The following CREBRF variants were observed in gnomAD, a reference collection of about 807,000 sequenced individuals.
CREBRF encodes UPF0474 protein C5orf41.
Under a neutral mutation model 66.1 loss-of-function variants are expected in CREBRF, and 5 were observed. That is an observed-to-expected ratio of 0.08 (90% CI 0.04 to 0.16). The LOEUF (loss-of-function observed/expected upper bound fraction) is 0.16. CREBRF is among the 10% of genes least tolerant of loss of function. The pLI, the probability that CREBRF is intolerant of heterozygous loss-of-function variation, is 1.00. For synonymous variants in CREBRF, 229 were observed against 264.4 expected (o/e 0.87, Z 1.30); for missense variants, 531 against 744.9 (o/e 0.71, Z 3.34).
chr5:173,084,599 G>A (rs431604), intron 2 of CREBRF, among the ~76,000 whole-genome samples: 105,738 of 152,104 alleles, frequency 0.7, 37,771 homozygotes, highest in African/African-American at 0.83. Flanking sequence ...GTAGGTACGC[G>A]GCATTTGTCA....
At chr5:173,122,708 A>G in intron 7 of CREBRF, among the ~76,000 whole-genome samples, 2 of 142,630 alleles carry the variant, frequency 1.4e-5, no homozygotes, top group Admixed American at 7.0e-5. Context: ...TTAACTCGTC[A>G]TTTAGCATTA....
intron 1 of CREBRF, among the ~76,000 whole-genome samples, chr5:173,069,773 TCTGTA>T (rs1256097483): frequency 6.6e-6 from 1 of 152,122 alleles, no homozygotes; most frequent in Non-Finnish European, 1.5e-5. Context: ...TCAAATAACC[TCTGTA>T]CTGGCTATTA....
At chr5:173,091,801 A>AG (rs1250164729) in intron 4 of CREBRF, 4 of 990,310 alleles carry the variant, frequency 4.0e-6, no homozygotes, top group Non-Finnish European at 4.8e-6. Flanking sequence ...ATTCCTGTTT[A>AG]GGGCCAGGCG....
intron 4 of CREBRF, among the ~76,000 whole-genome samples, chr5:173,104,292 G>C (rs183550793): frequency 1.3e-5 from 2 of 152,264 alleles, no homozygotes; most frequent in African/African-American, 4.8e-5. Flanking sequence ...TCAGAATCTA[G>C]TTTGAGAAAT....
In CREBRF at chr5:173,056,499, G is replaced by A. The variant is rs1757044048; in HGVS notation, c.-192+20G>A. ...CCACAGGTGAGCGCCGCCACCCGCT[G>A]CTCGGAACCCCCAGGGGCCTGGGCT... is the stretch of plus-strand genomic sequence containing the variant. On this transcript the variant is annotated intron_variant, in intron 1 of 8. Coordinates refer to ENST00000296953, the MANE Select transcript of CREBRF (RefSeq NM_153607.3). 2 of 398,210 alleles carry A rather than the reference G, an allele frequency of 5.0e-6. No homozygotes were observed. The highest frequency in any genetic ancestry group is 8.9e-6 in the Non-Finnish European group (2 of 225,870). The allele number at this position is 398,210 out of a possible 1,614,324, so 24.7% of individuals were successfully genotyped here.
At chr5:173,108,572 A>G in intron 4 of CREBRF, 52 bp from the exon 5 acceptor site, 1 of 1,489,798 alleles carries the variant, frequency 6.7e-7, no homozygotes, top group African/African-American at 1.4e-5. Context: ...ATTTGTTCTG[A>G]TTGATTTATT....
At chr5:173,087,051 ATTC>A (rs1758174433) in intron 3 of CREBRF, among the ~76,000 whole-genome samples, 2 of 149,680 alleles carry the variant, frequency 1.3e-5, no homozygotes, top group South Asian at 2.1e-4. Context: ...GGTTTAAGCT[ATTC>A]TTCTACCTCA....
chr5:173,063,463 G>A (rs1203256413), intron 1 of CREBRF, among the ~76,000 whole-genome samples: 12 of 151,974 alleles, frequency 7.9e-5, no homozygotes, highest in Non-Finnish European at 4.4e-5. Flanking sequence ...TGCCTCCTGG[G>A]TTCAAGCGAT....
At chr5:173,059,044 C>A (rs899328152) in intron 1 of CREBRF, among the ~76,000 whole-genome samples, 4 of 151,696 alleles carry the variant, frequency 2.6e-5, no homozygotes, top group Non-Finnish European at 5.9e-5. Context: ...GGTGATCCAC[C>A]CACCTCAGCT....
chr5:173,108,176 A>G (rs1485822201), intron 4 of CREBRF, among the ~76,000 whole-genome samples: 1 of 152,096 alleles, frequency 6.6e-6, no homozygotes, highest in Non-Finnish European at 1.5e-5. Flanking sequence ...AAATATTTAA[A>G]AAAAAAGAAG....
At chr5:173,070,588 C>A (rs548346411) in intron 1 of CREBRF, among the ~76,000 whole-genome samples, 1 of 152,110 alleles carries the variant, frequency 6.6e-6, no homozygotes, top group African/African-American at 2.4e-5. Context: ...AAATTTAATT[C>A]TACTTCTTCC....
At chr5:173,105,188 C>G (rs959360506) in intron 4 of CREBRF, among the ~76,000 whole-genome samples, 1 of 151,294 alleles carries the variant, frequency 6.6e-6, no homozygotes, top group Non-Finnish European at 1.5e-5. Context: ...GGGAGTATAT[C>G]AAATAAAGTA....
chr5:173,104,780 G>T (rs1309832120), intron 4 of CREBRF, among the ~76,000 whole-genome samples: 1 of 151,886 alleles, frequency 6.6e-6, no homozygotes, highest in Non-Finnish European at 1.5e-5. Context: ...TGAATTTATG[G>T]TGTATGCTAT....
intron 8 of CREBRF, among the ~76,000 whole-genome samples, chr5:173,130,574 G>C (rs557967033): frequency 6.6e-6 from 1 of 151,812 alleles, no homozygotes; most frequent in South Asian, 2.1e-4. Flanking sequence ...ACCCAGGCTG[G>C]AATGCAGTGG....
At chr5:173,078,304 G>A (rs1250897463) in intron 1 of CREBRF, among the ~76,000 whole-genome samples, 1 of 152,068 alleles carries the variant, frequency 6.6e-6, no homozygotes, top group Admixed American at 6.6e-5. Flanking sequence ...TAGATGATTC[G>A]GAAGAGCTAC....
At chr5:173,058,004 G>A (rs1468564595) in intron 1 of CREBRF, among the ~76,000 whole-genome samples, 2 of 151,414 alleles carry the variant, frequency 1.3e-5, no homozygotes, top group Admixed American at 1.3e-4. Flanking sequence ...CGAATACCCT[G>A]CAGGTGAAAA....
intron 7 of CREBRF, among the ~76,000 whole-genome samples, chr5:173,119,824 GA>G (rs1290831734): frequency 6.6e-6 from 1 of 152,090 alleles, no homozygotes; most frequent in Non-Finnish European, 1.5e-5. Context: ...GGGTGTTGAT[GA>G]TTTTTTTGCA....
At chr5:173,118,854 C>T (rs1418675500) in intron 7 of CREBRF, among the ~76,000 whole-genome samples, 1 of 151,032 alleles carries the variant, frequency 6.6e-6, no homozygotes, top group East Asian at 1.9e-4. Context: ...ACCTGGCCAA[C>T]ATAGTGAGAC....
rs907840960 is a variant in CREBRF, at chr5:173,136,883, G to T, written c.*3138G>T. 4 of 151,842 alleles carry T rather than the reference G, an allele frequency of 2.6e-5. No individual in the cohort carries two copies. Among genetic ancestry groups the T allele is most frequent in the Non-Finnish European group, 5.9e-5 (4 of 67,800 alleles). 9.4% of individuals were successfully genotyped at this position (151,842 alleles called of 1,614,324 possible). The stretch of plus-strand genomic sequence containing the variant: ...TCCAGAATCTTACTTTTAAGTGAAG[G>T]CATTGTGAATTCACCTCAAGTAAAC... On this transcript the variant is annotated 3_prime_UTR_variant, in exon 9 of 9. Coordinates refer to ENST00000296953, the MANE Select transcript of CREBRF (RefSeq NM_153607.3).
Sources: gnomAD v4.1 joint callset for allele counts (sites outside exome capture counted in the v4.1 genomes callset) on GRCh38, gnomAD v4.1.1 for gene constraint, MANE v1.5 for transcripts, NCBI Gene and HGNC (gene_info 2026-07-23, HGNC 2026-07-21) for gene names.